Variants in NTM observed in about 807,000 individuals in gnomAD.
NTM encodes neurotrimin.
In NTM, 13 loss-of-function variants were observed where a neutral mutation model predicts 42.1. That is an observed-to-expected ratio of 0.31 (90% confidence interval 0.20 to 0.49). The LOEUF (loss-of-function observed/expected upper bound fraction) is 0.49. Among genes scored for constraint, NTM ranks in the 20% least tolerant of loss-of-function variants. The pLI, the probability that NTM is intolerant of heterozygous loss-of-function variation, is 0.99. For missense variants in NTM, 373 were observed against 452.8 expected (o/e 0.82, Z 1.60); for synonymous variants, 187 against 179.2 (o/e 1.04, Z -0.35).
intron 1 of NTM, among the ~76,000 whole-genome samples, chr11:131,886,626 G>T (rs573896006): frequency 6.6e-6 from 1 of 152,310 alleles, no homozygotes; most frequent in East Asian, 1.9e-4. Flanking sequence ...CTGTTTGCTT[G>T]TGTCTCCTTC....
At chr11:132,111,063 CAAAAAAAAAAAAAA>C (rs57458373) in intron 2 of NTM, among the ~76,000 whole-genome samples, 1 of 35,466 alleles carries the variant, frequency 2.8e-5, no homozygotes, top group East Asian at 1.8e-3. Context: ...GGCCCTATCT[CAAAAAAAAAAAAAA>C]AAAAAAAAAA....
At chr11:132,330,093 A>G in intron 7 of NTM, 60 bp from the exon 8 acceptor site, 1 of 1,547,494 alleles carries the variant, frequency 6.5e-7, no homozygotes, top group African/African-American at 1.4e-5. Context: ...ATCTGAGGGC[A>G]AAGTGAGCAT....
intron 1 of NTM, among the ~76,000 whole-genome samples, chr11:131,688,227 C>A (rs2074174222): frequency 6.6e-6 from 1 of 152,134 alleles, no homozygotes; most frequent in South Asian, 2.1e-4. Flanking sequence ...AGAACAGGCT[C>A]CCGGGGCGGG....
intron 2 of NTM, among the ~76,000 whole-genome samples, chr11:132,060,586 A>T (rs542643819): frequency 2.0e-5 from 3 of 152,330 alleles, no homozygotes; most frequent in African/African-American, 7.2e-5. Flanking sequence ...CATGCAAAAA[A>T]CTTTCGACTC....
intron 8 of NTM, among the ~76,000 whole-genome samples, chr11:132,331,233 C>A (rs2095795872): frequency 6.6e-6 from 1 of 152,194 alleles, no homozygotes; most frequent in Admixed American, 6.5e-5. Context: ...TCAGTTTCCA[C>A]ATGGTAGAAA....
chr11:131,660,730 C>A, intron 1 of NTM: 1 of 556,146 alleles, frequency 1.8e-6, no homozygotes, highest in Non-Finnish European at 2.8e-6. Context: ...GGCAAAGAAA[C>A]AAAAGGAAAA....
rs543111207 is a variant in NTM at position 132,201,839 on chromosome 11, G to A, written c.401-10183G>A. The stretch of plus-strand genomic sequence containing the variant: ...TGGATCCCAAATCCCTGTAGGAAGA[G>A]CTTGGGTCTGAGAACAGCCACTTTC... On this transcript the variant is annotated intron_variant, in intron 3 of 8. Transcript: ENST00000683400. Among the ~76,000 whole-genome samples the A allele has an allele frequency of 4.6e-5, 7 of 152,316 alleles. No homozygotes were observed. The South Asian group carries it at 1.5e-3, about 32-fold the overall frequency.
At chr11:132,230,757 C>A (rs570365623) in intron 4 of NTM, among the ~76,000 whole-genome samples, 1 of 152,158 alleles carries the variant, frequency 6.6e-6, no homozygotes, top group African/African-American at 2.4e-5. Flanking sequence ...GGTGTGGTGG[C>A]GCACACCTGT....
At chr11:131,737,944 T>C (rs2135549633) in intron 1 of NTM, among the ~76,000 whole-genome samples, 1 of 152,344 alleles carries the variant, frequency 6.6e-6, no homozygotes, top group South Asian at 2.1e-4. Context: ...AATTAATTTC[T>C]GGACAAAAAG....
At position 131,789,629 on chromosome 11, in the gene NTM, A is replaced by AAGG. The variant is rs1565552925; in HGVS notation, c.83-121933_83-121932insGAG. Among the ~76,000 whole-genome samples the AAGG allele has an allele frequency of 1.6e-4, 14 of 89,178 alleles. 2 individuals carry two copies. Among genetic ancestry groups the AAGG allele is most frequent in the Non-Finnish European group, 1.9e-4 (8 of 42,528 alleles). The allele number at this position is 89,178 out of a possible 152,430, so 58.5% of individuals were successfully genotyped here. ...GAAGAAGAAGAAGAAGAAGAAGAAGAAGAAGAAAAGAAGAAGAAGAAGAAG... is the reference window on the plus strand; with the variant it reads ...GAAGAAGAAGAAGAAGAAGAAGAAGAAGGAGAAGAAAAGAAGAAGAAGAAGAAG... On this transcript the variant is annotated intron_variant, in intron 1 of 8. Transcript: ENST00000683400.
intron 1 of NTM, among the ~76,000 whole-genome samples, chr11:131,807,770 C>T (rs2092571678): frequency 1.3e-5 from 2 of 152,128 alleles, no homozygotes; most frequent in African/African-American, 4.8e-5. Flanking sequence ...TTTTTTATTG[C>T]TTGTATTGTA....
intron 1 of NTM, among the ~76,000 whole-genome samples, chr11:131,761,448 A>G (rs2084161248): frequency 6.6e-6 from 1 of 152,042 alleles, no homozygotes; most frequent in Non-Finnish European, 1.5e-5. Flanking sequence ...GGCCTTTGAG[A>G]GGTAATTAGG....
intron 2 of NTM, among the ~76,000 whole-genome samples, chr11:132,023,533 G>C (rs1219121159): frequency 6.6e-6 from 1 of 152,086 alleles, no homozygotes; most frequent in Non-Finnish European, 1.5e-5. Context: ...TTGCTCTCCT[G>C]GTTGTTTTGG....
chr11:131,469,902 A>G (rs1295501751), intron 1 of NTM, among the ~76,000 whole-genome samples: 1 of 152,228 alleles, frequency 6.6e-6, no homozygotes, highest in Middle Eastern at 3.2e-3. Context: ...GAGGGGATTC[A>G]ATGCAATGAT....
chr11:131,810,742 A>G (rs1343019460), intron 1 of NTM, among the ~76,000 whole-genome samples: 1 of 152,202 alleles, frequency 6.6e-6, no homozygotes, highest in Non-Finnish European at 1.5e-5. Context: ...GCTATCTCAG[A>G]CTCAACAGAA....
intron 2 of NTM, among the ~76,000 whole-genome samples, chr11:132,077,093 C>T (rs751566935): frequency 6.6e-6 from 1 of 152,146 alleles, no homozygotes; most frequent in African/African-American, 2.4e-5. Context: ...TTTACCTTAC[C>T]CTACTAGAAT....
At chr11:131,404,559 G>C (rs879650459) in intron 1 of NTM, among the ~76,000 whole-genome samples, 6 of 152,110 alleles carry the variant, frequency 3.9e-5, no homozygotes, top group African/African-American at 1.4e-4. Flanking sequence ...ACTGGTGACT[G>C]CCAATTTTAC....
intron 3 of NTM, among the ~76,000 whole-genome samples, chr11:132,168,033 G>T (rs922257782): frequency 6.6e-6 from 1 of 152,132 alleles, no homozygotes; most frequent in African/African-American, 2.4e-5. Flanking sequence ...AATGTTTTGC[G>T]ATCCACATAG....
Position 132,125,952 on chromosome 11 carries a change from A to G in NTM, c.168-20330A>G, listed in dbSNP as rs549094634. 1.3e-4 allele frequency among the ~76,000 whole-genome samples: 19 copies of G among 151,710 alleles called. No homozygotes were observed. In the South Asian group the frequency reaches 3.7e-3, roughly 30 times the overall value. On this transcript the variant is annotated intron_variant, in intron 2 of 8. Coordinates refer to ENST00000683400, the MANE Select transcript of NTM (RefSeq NM_001352005.2). ...TTGTGTGTGTGTAAGAGAGATCAACAGGGGTCCCAGGCAAGGGGGATGAGT... is the reference window on the plus strand; with the variant it reads ...TTGTGTGTGTGTAAGAGAGATCAACGGGGGTCCCAGGCAAGGGGGATGAGT...
Sources: gnomAD v4.1 joint callset for allele counts (sites outside exome capture counted in the v4.1 genomes callset) on GRCh38, gnomAD v4.1.1 for gene constraint, MANE v1.5 for transcripts, NCBI Gene and HGNC (gene_info 2026-07-23, HGNC 2026-07-21) for gene names.